NSMCE3: variants seen among roughly 807,000 people sequenced by gnomAD.
NSMCE3 encodes NSE3 component of SMC5/6 complex, also known as non-structural maintenance of chromosomes element 3 homolog.
For synonymous variants in NSMCE3, 214 were observed against 172.2 expected (o/e 1.24, Z -1.90); for missense variants, 452 against 399.5 (o/e 1.13, Z -1.12).
At position 29,267,970 on chromosome 15, in the gene NSMCE3, C is replaced by T. The variant is rs1209970180; in HGVS notation, c.*821G>A. Reference sequence around the variant, plus strand: ...AATGGTTACGCTATTGTTTTATAAGCCTTTTTGAGATCCACAGTGAGAAAT... The same window carrying T: ...AATGGTTACGCTATTGTTTTATAAGTCTTTTTGAGATCCACAGTGAGAAAT... On this transcript the variant is annotated 3_prime_UTR_variant, in exon 1 of 1. Transcript: ENST00000332303. 6.6e-6 allele frequency: 1 copy of T among 152,124 alleles called. No homozygotes were observed. The highest frequency in any genetic ancestry group is 1.5e-5 in the Non-Finnish European group (1 of 68,030). The allele number at this position is 152,124 out of a possible 1,614,324, so 9.4% of individuals were successfully genotyped here. A position where few individuals can be genotyped will look rare whatever the true frequency, so the allele number is the denominator to read the frequency against.
In NSMCE3 at chr15:29,269,157, T is replaced by C. The variant is rs778792888; in HGVS notation, c.549A>G (p.Leu183=). The C allele has an allele frequency of 6.2e-7, 1 of 1,614,130 alleles. No individual in the cohort carries two copies. The highest frequency in any genetic ancestry group is 8.5e-7 in the Non-Finnish European group (1 of 1,180,014). ...TPTTGLLMIV[L]GLIFMKGNTI... is the part of the protein sequence containing the mutation. Reference sequence around the variant, plus strand: ...TGTTGCCCTTCATAAAGATGAGCCCTAAGACGATCATCAGGAGGCCCGTAG... The same window carrying C: ...TGTTGCCCTTCATAAAGATGAGCCCCAAGACGATCATCAGGAGGCCCGTAG... The change falls in exon 1 of 1, where the codon TTA becomes TTG. Residue 183 remains leucine (L), a synonymous_variant. Transcript: ENST00000332303.
chr15:29,268,920 T>C lies in NSMCE3; in HGVS notation c.786A>G (p.Lys262=), dbSNP rs199809549. Residue 262 remains lysine (K), a synonymous_variant, in exon 1 of 1, where the codon AAA becomes AAG. Transcript: ENST00000332303. ...GGACCTTGGCCACAAACTTAAGAAC[T>C]TTCATCTTGCTGGTTTCCAGGTTGG... ...PRTNLETSKM[K]VLKFVAKVHN... 1 of 1,614,208 alleles carries C rather than the reference T, an allele frequency of 6.2e-7. No homozygotes were observed. Among genetic ancestry groups the C allele is most frequent in the East Asian group, 2.2e-5 (1 of 44,874 alleles).
At position 29,269,015 on chromosome 15, in the gene NSMCE3, G is replaced by C; in HGVS notation, c.691C>G (p.Arg231Gly). 6.2e-7 allele frequency: 1 copy of C among 1,614,122 alleles called. No homozygotes were observed. Among genetic ancestry groups the C allele is most frequent in the Non-Finnish European group, 8.5e-7 (1 of 1,180,012 alleles). Residue 231 changes from arginine (R) to glycine (G), a missense_variant, in exon 1 of 1, where the codon CGT (arginine) becomes GGT (glycine). By Grantham distance (125) the Arg-to-Gly change is moderately radical. Transcript: ENST00000332303. ...GGTATCCGCCGGTATTCCAGGTAAC[G>C]CTGTCGCACAAAGTCCTCAGTAATG... is the stretch of plus-strand genomic sequence containing the variant. ...KLITEDFVRQRYLEYRRIPHT... is the reference protein window; with the variant it reads ...KLITEDFVRQGYLEYRRIPHT...
chr15:29,267,740 A>G lies in NSMCE3; in HGVS notation c.*1051T>C, dbSNP rs1349140460. On this transcript the variant is annotated 3_prime_UTR_variant, in exon 1 of 1. Transcript: ENST00000332303. ...AAAAGATAAAGAAAAGTTATATTTA[A>G]AAAGTGGCAGCTCCAGACCAAGGAG... The G allele has an allele frequency of 6.6e-6, 1 of 152,242 alleles. No homozygotes were observed. Among genetic ancestry groups the G allele is most frequent in the Non-Finnish European group, 1.5e-5 (1 of 68,048 alleles). The allele number at this position is 152,242 out of a possible 1,614,324, so 9.4% of individuals were successfully genotyped here.
chr15:29,268,619 C>G lies in NSMCE3; in HGVS notation c.*172G>C. 3.7e-6 allele frequency: 2 copies of G among 535,768 alleles called. No individual in the cohort carries two copies. Among genetic ancestry groups the G allele is most frequent in the Non-Finnish European group, 6.2e-6 (2 of 324,148 alleles). 33.2% of individuals were successfully genotyped at this position (535,768 alleles called of 1,614,324 possible). On this transcript the variant is annotated 3_prime_UTR_variant, in exon 1 of 1. Coordinates refer to ENST00000332303, the MANE Select transcript of NSMCE3 (RefSeq NM_138704.4). ...TTTGTTTATAGATGAAAATCTGGAG[C>G]AAAATAACACAACATTAAAAAAACA... is the stretch of plus-strand genomic sequence containing the variant.
At position 29,268,430 on chromosome 15, in the gene NSMCE3, G is replaced by T; in HGVS notation, c.*361C>A. On this transcript the variant is annotated 3_prime_UTR_variant, in exon 1 of 1. Transcript: ENST00000332303. ...TTTTCCTTACAAACTGGGGTAGTTA[G>T]GAGACCTGATAATAGCTTTTTTATT... The T allele has an allele frequency of 4.3e-6, 1 of 229,888 alleles. No individual in the cohort carries two copies. 14.2% of individuals were successfully genotyped at this position (229,888 alleles called of 1,614,324 possible).
rs545103896 is a variant in NSMCE3 at position 29,268,786 on chromosome 15, A to G, written c.*5T>C. 2 of 1,594,122 alleles carry G rather than the reference A, an allele frequency of 1.3e-6. No homozygotes were observed. The highest frequency in any genetic ancestry group is 2.7e-5 in the African/African-American group (2 of 74,130). On this transcript the variant is annotated 3_prime_UTR_variant, in exon 1 of 1. Coordinates refer to ENST00000332303, the MANE Select transcript of NSMCE3 (RefSeq NM_138704.4). ...TTGTCCCGGGGGTCCCTCTGAATCC[A>G]CCTTTCAAGAGGATGGAGCTGGGCC...
In NSMCE3 at chr15:29,269,526, C is replaced by T. The variant is rs1596145137; in HGVS notation, c.180G>A (p.Ser60=). The T allele has an allele frequency of 1.3e-6, 2 of 1,543,372 alleles. No homozygotes were observed. Among genetic ancestry groups the T allele is most frequent in the East Asian group, 2.5e-5 (1 of 39,234 alleles). The stretch of plus-strand genomic sequence containing the variant: ...GGGCGCCCTGAGGCGAGGGGCCCTG[C>T]GACCCCTGCGAGCCGCCCGGCCCGC... ...TSRGPGGSQG[S]QGPSPQGARR... Residue 60 remains serine (S), a synonymous_variant, in exon 1 of 1, where the codon TCG becomes TCA. Coordinates refer to ENST00000332303, the MANE Select transcript of NSMCE3 (RefSeq NM_138704.4).
Position 29,268,729 on chromosome 15 carries a change from T to A in NSMCE3, c.*62A>T. 6.6e-7 allele frequency: 1 copy of A among 1,508,218 alleles called. No individual in the cohort carries two copies. Among genetic ancestry groups the A allele is most frequent in the Non-Finnish European group, 8.9e-7 (1 of 1,123,378 alleles). 93.4% of individuals were successfully genotyped at this position (1,508,218 alleles called of 1,614,324 possible). A position where few individuals can be genotyped will look rare whatever the true frequency, so the allele number is the denominator to read the frequency against. On this transcript the variant is annotated 3_prime_UTR_variant, in exon 1 of 1. Transcript: ENST00000332303. ...CTGGGTTCGTTCTCCCTTCCCCCAA[T>A]CCTCTAAACTGTGCCTTTGGGTCTC...
In NSMCE3 at chr15:29,268,968, G is replaced by A. The variant is rs767592628; in HGVS notation, c.738C>T (p.Tyr246=). 4.3e-6 allele frequency: 7 copies of A among 1,614,072 alleles called. No individual in the cohort carries two copies. The South Asian group carries it at 5.5e-5, about 13-fold the overall frequency. The change falls in exon 1 of 1, where the codon TAC becomes TAT. Residue 246 remains tyrosine, a synonymous_variant. Transcript: ENST00000332303. The part of the protein sequence containing the change: ...RRIPHTDPVD[Y]EFQWGPRTNL... ...TGGTTCGCGGGCCCCACTGGAATTC[G>A]TAGTCGACGGGGTCGGTGTGGGGTA...
At position 29,269,212 on chromosome 15, in the gene NSMCE3, G is replaced by A. The variant is rs1346795302; in HGVS notation, c.494C>T (p.Ala165Val). The A allele has an allele frequency of 6.2e-7, 1 of 1,613,996 alleles. No homozygotes were observed. The highest frequency in any genetic ancestry group is 1.3e-5 in the African/African-American group (1 of 74,910). Residue 165 changes from alanine to valine, a missense_variant, in exon 1 of 1, where the codon GCC becomes GTC. Coordinates refer to ENST00000332303, the MANE Select transcript of NSMCE3 (RefSeq NM_138704.4). ...CGTGCCTTGGTCACCCCTCATCTCG[G>A]CATCCTCCTCCACAGGCTCCAGGGT... ...INTLEPVEED[A>V]EMRGDQGTPT...
chr15:29,268,567 A>T lies in NSMCE3; in HGVS notation c.*224T>A. On this transcript the variant is annotated 3_prime_UTR_variant, in exon 1 of 1. Transcript: ENST00000332303. The stretch of plus-strand genomic sequence containing the variant: ...AAGCTAGCAAAATTTTTTATACCAA[A>T]AAGAGTAAAATCAAAACAAATGCTC... The T allele has an allele frequency of 2.2e-6, 1 of 461,810 alleles. No homozygotes were observed. The allele number at this position is 461,810 out of a possible 1,614,324, so 28.6% of individuals were successfully genotyped here. A position where few individuals can be genotyped will look rare whatever the true frequency, so the allele number is the denominator to read the frequency against.
Position 29,269,225 on chromosome 15 carries a change from C to CA in NSMCE3, c.480dup (p.Val161CysfsTer10). 1.2e-6 allele frequency: 2 copies of CA among 1,614,186 alleles called. No individual in the cohort carries two copies. Among genetic ancestry groups the CA allele is most frequent in the Non-Finnish European group, 1.7e-6 (2 of 1,180,040 alleles). On this transcript the variant is annotated frameshift_variant, in exon 1 of 1. Coordinates refer to ENST00000332303, the MANE Select transcript of NSMCE3 (RefSeq NM_138704.4). LOFTEE classifies it low-confidence loss of function (END_TRUNC). ...CCCCTCATCTCGGCATCCTCCTCCACAGGCTCCAGGGTGTTGATGAGGATG... is the reference window on the plus strand; with the variant it reads ...CCCCTCATCTCGGCATCCTCCTCCACAAGGCTCCAGGGTGTTGATGAGGATG...
Position 29,269,339 on chromosome 15 carries a change from A to G in NSMCE3, c.367T>C (p.Phe123Leu). 1 of 1,614,194 alleles carries G rather than the reference A, an allele frequency of 6.2e-7. No homozygotes were observed. Among genetic ancestry groups the G allele is most frequent in the Non-Finnish European group, 8.5e-7 (1 of 1,180,028 alleles). The change falls in exon 1 of 1, where the codon TTC becomes CTC. Residue 123 changes from phenylalanine to leucine, a missense_variant. By Grantham distance (22) the Phe-to-Leu change is conservative. Transcript: ENST00000332303. ...KHVIGDYKDI[F>L]PDLFKRAAER... ...GCGGCCCGTTTGAAGAGGTCGGGGA[A>G]GATGTCCTTGTAGTCCCCGATGACG...
In NSMCE3 at chr15:29,269,325, G is replaced by T. The variant is rs751403960; in HGVS notation, c.381C>A (p.Phe127Leu). The change falls in exon 1 of 1, where the codon TTC becomes TTA. Residue 127 changes from phenylalanine (F) to leucine (L), a missense_variant. By Grantham distance (22) the Phe-to-Leu change is conservative. Coordinates refer to ENST00000332303, the MANE Select transcript of NSMCE3 (RefSeq NM_138704.4). ...ACTGGAGGCGCTCGGCGGCCCGTTT[G>T]AAGAGGTCGGGGAAGATGTCCTTGT... ...GDYKDIFPDLFKRAAERLQYV... is the reference protein window; with the variant it reads ...GDYKDIFPDLLKRAAERLQYV... The T allele has an allele frequency of 1.2e-6, 2 of 1,614,100 alleles. No homozygotes were observed. Among genetic ancestry groups the T allele is most frequent in the Non-Finnish European group, 1.7e-6 (2 of 1,180,052 alleles).
chr15:29,269,195 G>C lies in NSMCE3; in HGVS notation c.511C>G (p.Gln171Glu). ...VEEDAEMRGD[Q>E]GTPTTGLLMI... ...AGGAGGCCCGTAGTGGGCGTGCCTT[G>C]GTCACCCCTCATCTCGGCATCCTCC... Residue 171 changes from glutamine to glutamate, a missense_variant, in exon 1 of 1, where the codon CAA becomes GAA. By Grantham distance (29) the Gln-to-Glu change is conservative. Transcript: ENST00000332303. 4 of 1,614,140 alleles carry C rather than the reference G, an allele frequency of 2.5e-6. No homozygotes were observed. Among genetic ancestry groups the C allele is most frequent in the Non-Finnish European group, 3.4e-6 (4 of 1,180,028 alleles).
Position 29,266,521 on chromosome 15 carries a change from G to A in NSMCE3, c.*2270C>T, listed in dbSNP as rs1268197011. On this transcript the variant is annotated 3_prime_UTR_variant, in exon 1 of 1. Coordinates refer to ENST00000332303, the MANE Select transcript of NSMCE3 (RefSeq NM_138704.4). The stretch of plus-strand genomic sequence containing the variant: ...AGACCTTAAATGTCCAGACATTAAG[G>A]AATGGATAGTTATTTTTCCCCCATA... 6.6e-6 allele frequency: 1 copy of A among 152,184 alleles called. No individual in the cohort carries two copies. The highest frequency in any genetic ancestry group is 2.1e-4 in the South Asian group (1 of 4,828). The allele number at this position is 152,184 out of a possible 1,614,324, so 9.4% of individuals were successfully genotyped here.
rs888137931 is a variant in NSMCE3, at chr15:29,265,756, T to C, written c.*3035A>G. The C allele has an allele frequency of 6.6e-6, 1 of 152,210 alleles. No homozygotes were observed. Among genetic ancestry groups the C allele is most frequent in the Non-Finnish European group, 1.5e-5 (1 of 68,036 alleles). 9.4% of individuals were successfully genotyped at this position (152,210 alleles called of 1,614,324 possible). ...CATTGCTACAAAATACTGAGTGTCA[T>C]AAATCAGTGTGGAAAGTATAAATGA... is the stretch of plus-strand genomic sequence containing the variant. On this transcript the variant is annotated 3_prime_UTR_variant, in exon 1 of 1. Coordinates refer to ENST00000332303, the MANE Select transcript of NSMCE3 (RefSeq NM_138704.4).
chr15:29,268,235 G>C lies in NSMCE3; in HGVS notation c.*556C>G, dbSNP rs1030382317. The C allele has an allele frequency of 6.6e-6, 1 of 152,234 alleles. No individual in the cohort carries two copies. Among genetic ancestry groups the C allele is most frequent in the African/African-American group, 2.4e-5 (1 of 41,434 alleles). 9.4% of individuals were successfully genotyped at this position (152,234 alleles called of 1,614,324 possible). ...AAGTGGAACTACGTGTTTAGCAGCAGAGCTGAATAATTATGAATATAAACA... is the reference window on the plus strand; with the variant it reads ...AAGTGGAACTACGTGTTTAGCAGCACAGCTGAATAATTATGAATATAAACA... On this transcript the variant is annotated 3_prime_UTR_variant, in exon 1 of 1. Coordinates refer to ENST00000332303, the MANE Select transcript of NSMCE3 (RefSeq NM_138704.4).
Sources: allele counts gnomAD v4.1 joint callset, GRCh38; gene constraint gnomAD v4.1.1; transcripts MANE v1.5; gene names NCBI Gene and HGNC (gene_info 2026-07-23, HGNC 2026-07-21).